Variants in XRCC4 observed in about 807,000 individuals in gnomAD.
XRCC4 encodes X-ray repair cross complementing 4, also known as DNA repair protein XRCC4.
In XRCC4, 28 loss-of-function variants were observed where a neutral mutation model predicts 39.1. The ratio of observed to expected loss-of-function variants is 0.72; its 90% CI spans 0.53 to 0.98. XRCC4 has a LOEUF of 0.98. Ranked by LOEUF, XRCC4 falls within the 50% of genes least tolerant of loss-of-function variation. The probability of loss-of-function intolerance (pLI) is 0.00; values close to 1 mark genes in which losing one functional copy is unlikely to be tolerated. For missense variants in XRCC4, 350 were observed against 376.4 expected, an observed-to-expected ratio of 0.93 and a Z score of 0.58; for synonymous variants, 123 against 126.4, an observed-to-expected ratio of 0.97 and a Z score of 0.18.
chr5:83,262,258 G>A (rs1239492938), intron 7 of XRCC4, among the ~76,000 whole-genome samples: 1 of 152,124 alleles, frequency 6.6e-6, no homozygotes, highest in East Asian at 1.9e-4. Context: ...CAGAGTTTGT[G>A]CCTGGTTACT....
At chr5:83,189,980 C>T (rs898131405) in intron 3 of XRCC4, among the ~76,000 whole-genome samples, 52 of 152,168 alleles carry the variant, frequency 3.4e-4, no homozygotes, top group Non-Finnish European at 7.5e-4. Flanking sequence ...AGGAGAATCA[C>T]TTGAACCCAG....
intron 3 of XRCC4, among the ~76,000 whole-genome samples, chr5:83,167,309 A>C (rs1749529356): frequency 6.6e-6 from 1 of 151,976 alleles, no homozygotes; most frequent in South Asian, 2.1e-4. Flanking sequence ...TGTCATTCAC[A>C]TGAGCAGAAC....
the XRCC4 span, among the ~76,000 whole-genome samples, chr5:83,367,529 T>G: frequency 6.6e-6 from 1 of 152,100 alleles, no homozygotes; most frequent in Non-Finnish European, 1.5e-5. Flanking sequence ...CTTCTCAAGC[T>G]CCCTGAAAGA....
At chr5:83,241,356 A>T (rs1455444671) in intron 6 of XRCC4, among the ~76,000 whole-genome samples, 6 of 152,146 alleles carry the variant, frequency 3.9e-5, no homozygotes, top group Non-Finnish European at 8.8e-5. Context: ...CATATTAATG[A>T]TTTATATTGA....
At chr5:83,228,979 A>G (rs952712929) in intron 6 of XRCC4, among the ~76,000 whole-genome samples, 2 of 152,068 alleles carry the variant, frequency 1.3e-5, no homozygotes, top group East Asian at 1.9e-4. Context: ...ATGTGTTTCA[A>G]CCTAATATTT....
At chr5:83,229,599 T>C (rs72769310) in intron 6 of XRCC4, among the ~76,000 whole-genome samples, 8,518 of 150,820 alleles carry the variant, frequency 0.056, 324 homozygotes, top group South Asian at 0.16. Context: ...TAGAGAAATA[T>C]CTTCAGAGAA....
intron 3 of XRCC4, among the ~76,000 whole-genome samples, chr5:83,153,812 T>G (rs552824714): frequency 3.0e-4 from 46 of 152,340 alleles, no homozygotes; most frequent in Admixed American, 2.9e-3. Context: ...ATACTCATGT[T>G]TTTGTCAAAC....
In XRCC4 at chr5:83,206,156, A is replaced by G. The variant is rs936223198; in HGVS notation, c.745+1235A>G. ...GAAGGATTTTAAACAGTCAGGTGAC[A>G]TAATCTGACTCAAATTTCAAGAGGA... On this transcript the variant is annotated intron_variant, in intron 6 of 7. Coordinates refer to ENST00000396027, the MANE Select transcript of XRCC4 (RefSeq NM_003401.5). Among the ~76,000 whole-genome samples, 4 of 152,280 alleles carry G rather than the reference A, an allele frequency of 2.6e-5. No homozygotes were observed. The East Asian group carries it at 5.8e-4, about 22-fold the overall frequency.
At chr5:83,209,139 G>T (rs1264621365) in intron 6 of XRCC4, among the ~76,000 whole-genome samples, 1 of 150,824 alleles carries the variant, frequency 6.6e-6, no homozygotes, top group East Asian at 1.9e-4. Flanking sequence ...ATAGAAATCT[G>T]TTGGGTTATT....
At chr5:83,251,669 C>T (rs1177826365) in intron 6 of XRCC4, among the ~76,000 whole-genome samples, 1 of 152,094 alleles carries the variant, frequency 6.6e-6, no homozygotes, top group Non-Finnish European at 1.5e-5. Context: ...CACTCTGCCT[C>T]TGACATTGAG....
chr5:83,194,833 T>C (rs1383941405), intron 3 of XRCC4, among the ~76,000 whole-genome samples: 3 of 152,162 alleles, frequency 2.0e-5, no homozygotes, highest in African/African-American at 7.2e-5. Flanking sequence ...GAATCTTGAC[T>C]TTACCCCTTC....
chr5:83,329,390 A>G (rs1305099025), intron 7 of XRCC4, among the ~76,000 whole-genome samples: 1 of 152,162 alleles, frequency 6.6e-6, no homozygotes, highest in Non-Finnish European at 1.5e-5. Context: ...ATAGCTGACA[A>G]AGAATTTGTA....
At chr5:83,095,285 A>G (rs887294138) in intron 1 of XRCC4, among the ~76,000 whole-genome samples, 2 of 152,100 alleles carry the variant, frequency 1.3e-5, no homozygotes, top group African/African-American at 2.4e-5. Flanking sequence ...GGACACAGAA[A>G]TTTCCTCTGA....
intron 7 of XRCC4, among the ~76,000 whole-genome samples, chr5:83,335,596 C>T (rs913973561): frequency 1.3e-5 from 2 of 151,862 alleles, no homozygotes; most frequent in Non-Finnish European, 2.9e-5. Context: ...TTTTGATCAA[C>T]TAGATTGTGA....
chr5:83,337,283 T>TA (rs776258672), intron 7 of XRCC4, among the ~76,000 whole-genome samples: 1 of 152,164 alleles, frequency 6.6e-6, no homozygotes, highest in Non-Finnish European at 1.5e-5. Context: ...ACAATATAAG[T>TA]AACAAAGATG....
At chr5:83,111,514 G>C (rs746258985) in intron 3 of XRCC4, among the ~76,000 whole-genome samples, 1 of 151,924 alleles carries the variant, frequency 6.6e-6, no homozygotes, top group Non-Finnish European at 1.5e-5. Context: ...AGGCCATCGT[G>C]ACAGGTCTTA....
At chr5:83,201,295 G>A (rs1751184437) in intron 4 of XRCC4, 1 of 152,248 alleles carries the variant, frequency 6.6e-6, no homozygotes, top group Non-Finnish European at 1.5e-5. Flanking sequence ...GTGGCCTATA[G>A]CAATATGGTT....
Position 83,233,158 on chromosome 5 carries a change from G to A in XRCC4, c.746-25372G>A, listed in dbSNP as rs780306534. Among the ~76,000 whole-genome samples, 5 of 152,048 alleles carry A rather than the reference G, an allele frequency of 3.3e-5. No individual in the cohort carries two copies. In the South Asian group the frequency reaches 6.2e-4, roughly 19 times the overall value. On this transcript the variant is annotated intron_variant, in intron 6 of 7. Transcript: ENST00000396027. The stretch of plus-strand genomic sequence containing the variant: ...CATACTGGAAAATAAATAGTAATGC[G>A]GTCATCATTTAAAAGTCAGCTGGAT...
chr5:83,186,470 T>C (rs1750443259), intron 3 of XRCC4, among the ~76,000 whole-genome samples: 1 of 152,206 alleles, frequency 6.6e-6, no homozygotes, highest in African/African-American at 2.4e-5. Context: ...CATCACCTTC[T>C]TACTGTGATC....
Sources: gnomAD v4.1 joint callset for allele counts (sites outside exome capture counted in the v4.1 genomes callset) on GRCh38, gnomAD v4.1.1 for gene constraint, MANE v1.5 for transcripts, NCBI Gene and HGNC (gene_info 2026-07-23, HGNC 2026-07-21) for gene names.